The following COMMD6 variants were observed in gnomAD, a reference collection of about 807,000 sequenced individuals.
The protein encoded by COMMD6 is COMM domain-containing protein 6.
A neutral mutation model predicts 13.4 loss-of-function variants in COMMD6; 11 were observed. The observed-to-expected ratio is 0.82, with a 90% confidence interval of 0.52 to 1.36. The LOEUF (loss-of-function observed/expected upper bound fraction) is 1.36. Among genes scored for constraint, COMMD6 ranks in the 40% most tolerant of loss-of-function variants. The pLI, the probability that COMMD6 is intolerant of heterozygous loss-of-function variation, is 0.00. For missense variants in COMMD6, 124 were observed against 102.4 expected (o/e 1.21, Z -0.91); for synonymous variants, 43 against 36.5 (o/e 1.18, Z -0.64).
chr13:75,542,078 C>T (rs901774774), upstream of COMMD6, among the ~76,000 whole-genome samples: 5 of 152,098 alleles, frequency 3.3e-5, no homozygotes, highest in Admixed American at 1.3e-4. Flanking sequence ...GTATTAATAA[C>T]AAGGGTGATG....
At position 75,529,977 on chromosome 13, in the gene COMMD6, ATAC is replaced by A. The variant is rs2030411609; in HGVS notation, c.207+134_207+136del. 1.4e-5 allele frequency: 9 copies of A among 643,146 alleles called. No individual in the cohort carries two copies. In the South Asian group the frequency reaches 1.8e-4, roughly 13 times the overall value. 39.8% of individuals were successfully genotyped at this position (643,146 alleles called of 1,614,324 possible). A position where few individuals can be genotyped will look rare whatever the true frequency, so the allele number is the denominator to read the frequency against. ...GAAGACAAATTAATGTCTCTTGCATATACTACTAGTAAACGTAAAGCATATCAA... is the reference window on the plus strand; with the variant it reads ...GAAGACAAATTAATGTCTCTTGCATATACTAGTAAACGTAAAGCATATCAA... On this transcript the variant is annotated intron_variant, in intron 3 of 3. Transcript: ENST00000682242.
At position 75,537,813 on chromosome 13, in the gene COMMD6, G is replaced by A. The variant is rs201671061; in HGVS notation, c.-8C>T. On this transcript the variant is annotated 5_prime_UTR_variant, in exon 1 of 4. It adds an upstream start codon to the 5' untranslated region. Transcript: ENST00000682242. ...CTCGCTGGACGCCTCCATGGGCAGCGTCTGGGACTTGCGGCCCGGACTCGA... is the reference window on the plus strand; with the variant it reads ...CTCGCTGGACGCCTCCATGGGCAGCATCTGGGACTTGCGGCCCGGACTCGA... 243 of 1,596,716 alleles carry A rather than the reference G, an allele frequency of 1.5e-4. No individual in the cohort carries two copies. In the African/African-American group the frequency reaches 2.7e-3, roughly 18 times the overall value.
chr13:75,537,843 A>G, upstream of COMMD6: 1 of 1,564,486 alleles, frequency 6.4e-7, no homozygotes, highest in Non-Finnish European at 8.7e-7. Context: ...ACTCGAGAGA[A>G]CGCCCCCAGA....
chr13:75,530,471 A>G (rs1160838352), intron 2 of COMMD6: 8 of 367,284 alleles, frequency 2.2e-5, no homozygotes, highest in Non-Finnish European at 2.9e-5. Context: ...CAGTTAAAAA[A>G]CACCATCATA....
At chr13:75,532,253 T>C (rs971468312) in intron 2 of COMMD6, among the ~76,000 whole-genome samples, 1 of 152,210 alleles carries the variant, frequency 6.6e-6, no homozygotes, top group African/African-American at 2.4e-5. Flanking sequence ...TAACTGTCCA[T>C]ATTTTGTGCA....
At position 75,537,830 on chromosome 13, in the gene COMMD6, C is replaced by G. The variant is rs776963345; in HGVS notation, c.-25G>C. Reference sequence around the variant, plus strand: ...TGGGCAGCGTCTGGGACTTGCGGCCCGGACTCGAGAGAACGCCCCCAGACC... The same window carrying G: ...TGGGCAGCGTCTGGGACTTGCGGCCGGGACTCGAGAGAACGCCCCCAGACC... On this transcript the variant is annotated 5_prime_UTR_variant, in exon 1 of 4. Transcript: ENST00000682242. 16 of 1,579,712 alleles carry G rather than the reference C, an allele frequency of 1.0e-5. No individual in the cohort carries two copies. The highest frequency in any genetic ancestry group is 8.1e-5 in the African/African-American group (6 of 74,200).
chr13:75,534,801 T>A (rs1204604350), intron 2 of COMMD6, among the ~76,000 whole-genome samples: 1 of 152,198 alleles, frequency 6.6e-6, no homozygotes, highest in Non-Finnish European at 1.5e-5. Context: ...AGGCTGAAGT[T>A]ACTAGTAATA....
intron 3 of COMMD6, among the ~76,000 whole-genome samples, chr13:75,527,336 G>T (rs76313649): frequency 6.6e-6 from 1 of 152,142 alleles, no homozygotes; most frequent in Admixed American, 6.5e-5. Flanking sequence ...TGCTACTTAA[G>T]AGGATTTGTA....
At chr13:75,540,345 CA>C (rs2030807555), upstream of COMMD6, among the ~76,000 whole-genome samples, 2 of 8,268 alleles carry the variant, frequency 2.4e-4, no homozygotes, top group African/African-American at 7.6e-4. Flanking sequence ...CACACACACC[CA>C]CACACACACA....
intron 2 of COMMD6, among the ~76,000 whole-genome samples, chr13:75,536,756 A>ATTT (rs2030676367): frequency 6.6e-6 from 1 of 152,218 alleles, no homozygotes; most frequent in Non-Finnish European, 1.5e-5. Flanking sequence ...ACTATAAGAT[A>ATTT]ATAAATTTGT....
At chr13:75,542,176 T>C (rs1478826687), upstream of COMMD6, among the ~76,000 whole-genome samples, 1 of 152,162 alleles carries the variant, frequency 6.6e-6, no homozygotes, top group East Asian at 1.9e-4. Context: ...TTGTGCAAGG[T>C]TGTGGTATTG....
intron 2 of COMMD6, chr13:75,537,437 T>G: frequency 3.2e-6 from 5 of 1,551,428 alleles, no homozygotes; most frequent in Non-Finnish European, 3.5e-6. Flanking sequence ...ATCCTTGATC[T>G]GCATTCTTCG....
intron 3 of COMMD6, among the ~76,000 whole-genome samples, chr13:75,529,303 A>C (rs1001651978): frequency 4.6e-5 from 7 of 152,066 alleles, no homozygotes; most frequent in African/African-American, 1.4e-4. Flanking sequence ...GGTGGATCAC[A>C]AGGTCAGGAG....
chr13:75,542,654 A>G (rs2030844921), upstream of COMMD6, among the ~76,000 whole-genome samples: 1 of 152,200 alleles, frequency 6.6e-6, no homozygotes, highest in South Asian at 2.1e-4. Context: ...TTACATAAAA[A>G]GGGGGAATTA....
intron 1 of COMMD6, among the ~76,000 whole-genome samples, chr13:75,546,555 T>C (rs1393618472): frequency 6.6e-6 from 1 of 151,220 alleles, no homozygotes; most frequent in Non-Finnish European, 1.5e-5. Context: ...AGCTATTAAA[T>C]TTCCAAAGAT....
In COMMD6 at chr13:75,526,657, A is replaced by C. The variant is rs2030274872; in HGVS notation, c.208-18T>G. On this transcript the variant is annotated intron_variant, in intron 3 of 3. Coordinates refer to ENST00000682242, the MANE Select transcript of COMMD6 (RefSeq NM_203495.4). ...TAGAAATTCTGGAGAGAAAGGGGGA[A>C]AATAATATTAATTTTGCTTTTAGAA... 6.4e-7 allele frequency: 1 copy of C among 1,563,854 alleles called. No homozygotes were observed.
chr13:75,532,574 G>A lies in COMMD6; in HGVS notation c.55-2308C>T, dbSNP rs563071086. On this transcript the variant is annotated intron_variant, in intron 2 of 3. Transcript: ENST00000682242. ...TTGCTGGGTGCGGTGGCTCACGCCT[G>A]TAATCCCAGCACTTTGGGAGGCCGA... Among the ~76,000 whole-genome samples, 6 of 152,328 alleles carry A rather than the reference G, an allele frequency of 3.9e-5. No individual in the cohort carries two copies. In the East Asian group the frequency reaches 9.6e-4, roughly 24 times the overall value.
chr13:75,540,674 T>C (rs1190798846), upstream of COMMD6, among the ~76,000 whole-genome samples: 2 of 152,184 alleles, frequency 1.3e-5, no homozygotes, highest in African/African-American at 2.4e-5. Flanking sequence ...AGTTGGAAAA[T>C]ACAGATGTTA....
At chr13:75,539,585 A>G (rs9543965), upstream of COMMD6, among the ~76,000 whole-genome samples, 114,776 of 151,888 alleles carry the variant, frequency 0.76, 44,877 homozygotes, top group East Asian at 1. Context: ...AATTATATTT[A>G]TAAAGTCCCT....
Sources: allele counts gnomAD v4.1 joint callset (sites outside exome capture counted in the v4.1 genomes callset), GRCh38; gene constraint gnomAD v4.1.1; transcripts MANE v1.5; gene names NCBI Gene and HGNC (gene_info 2026-07-23, HGNC 2026-07-21).